The following TMEM117 variants were observed in gnomAD, a reference collection of about 807,000 sequenced individuals.
TMEM117 encodes transmembrane protein 117.
A neutral mutation model predicts 52.4 loss-of-function variants in TMEM117; 27 were observed. The observed-to-expected ratio is 0.51, with a 90% CI of 0.38 to 0.71. The LOEUF is 0.71. Ranked by LOEUF, TMEM117 falls within the 30% of genes least tolerant of loss-of-function variation. The pLI is 0.00. For missense variants in TMEM117, 556 were observed against 630.5 expected, an observed-to-expected ratio of 0.88 and a Z score of 1.26; for synonymous variants, 215 against 206.3, an observed-to-expected ratio of 1.04 and a Z score of -0.36.
intron 4 of TMEM117, among the ~76,000 whole-genome samples, chr12:44,190,353 G>A (rs1949334604): frequency 6.6e-6 from 1 of 152,056 alleles, no homozygotes; most frequent in Non-Finnish European, 1.5e-5. Context: ...CTCAATGAAG[G>A]GTGTATAGCA....
chr12:43,925,805 G>A (rs1944769756), intron 2 of TMEM117, among the ~76,000 whole-genome samples: 1 of 152,186 alleles, frequency 6.6e-6, no homozygotes, highest in Non-Finnish European at 1.5e-5. Flanking sequence ...CATGGGCTGA[G>A]CTTGACCCTC....
At chr12:44,370,039 C>A (rs974884784) in intron 6 of TMEM117, among the ~76,000 whole-genome samples, 1 of 152,180 alleles carries the variant, frequency 6.6e-6, no homozygotes, top group African/African-American at 2.4e-5. Flanking sequence ...TGCCTTAATG[C>A]TCCTCCTGCT....
chr12:44,217,749 A>G (rs1949736518), intron 5 of TMEM117, among the ~76,000 whole-genome samples: 1 of 152,186 alleles, frequency 6.6e-6, no homozygotes, highest in Admixed American at 6.5e-5. Context: ...AGAGGAACCA[A>G]TGTCTCTATG....
intron 3 of TMEM117, among the ~76,000 whole-genome samples, chr12:44,047,786 T>C (rs946842253): frequency 3.3e-5 from 5 of 152,152 alleles, no homozygotes; most frequent in African/African-American, 1.2e-4. Flanking sequence ...TTGGCTGATA[T>C]TTTGTTTAGG....
At chr12:44,241,146 A>G (rs2138481171) in intron 5 of TMEM117, among the ~76,000 whole-genome samples, 1 of 152,134 alleles carries the variant, frequency 6.6e-6, no homozygotes. Context: ...AACATCTAAT[A>G]CAATGTAAAA....
chr12:43,884,817 C>A (rs1215139718), intron 2 of TMEM117, among the ~76,000 whole-genome samples: 1 of 152,138 alleles, frequency 6.6e-6, no homozygotes, highest in Non-Finnish European at 1.5e-5. Context: ...ATTCAACTTA[C>A]CACCAGACCC....
chr12:44,386,799 C>T (rs1952094478), intron 7 of TMEM117, among the ~76,000 whole-genome samples: 1 of 152,092 alleles, frequency 6.6e-6, no homozygotes, highest in Non-Finnish European at 1.5e-5. Context: ...AGTATTTAGC[C>T]TTACATATAA....
intron 2 of TMEM117, among the ~76,000 whole-genome samples, chr12:43,923,042 G>A (rs1300675110): frequency 6.6e-6 from 1 of 152,166 alleles, no homozygotes; most frequent in Non-Finnish European, 1.5e-5. Flanking sequence ...GAGGAGCAGA[G>A]CAGAATTTGG....
At chr12:44,090,278 G>C (rs1474782555) in intron 3 of TMEM117, among the ~76,000 whole-genome samples, 1 of 152,062 alleles carries the variant, frequency 6.6e-6, no homozygotes, top group East Asian at 1.9e-4. Context: ...TGTCACTCAA[G>C]TAGTAAACAT....
chr12:44,296,277 G>A (rs908292455), intron 5 of TMEM117, among the ~76,000 whole-genome samples: 2 of 152,190 alleles, frequency 1.3e-5, no homozygotes, highest in Non-Finnish European at 2.9e-5. Context: ...TCACTAGGTG[G>A]ATCCTTGGTC....
At chr12:43,818,685 C>T in the TMEM117 span, among the ~76,000 whole-genome samples, 7 of 152,214 alleles carry the variant, frequency 4.6e-5, no homozygotes, top group East Asian at 1.9e-4. Flanking sequence ...CCTCGTGATC[C>T]GACCGCCTTG....
rs1474988685 is a variant in TMEM117, at chr12:44,181,085, G to A, written c.511-30205G>A. On this transcript the variant is annotated intron_variant, in intron 4 of 7. Transcript: ENST00000266534. ...TGGTATCTCATTGTGGTTTTGATTT[G>A]CATTTCTCTGATGGCCAGTGATGAT... Among the ~76,000 whole-genome samples, 446 of 152,200 alleles carry A rather than the reference G, an allele frequency of 2.9e-3. 1 individual carries two copies. Among genetic ancestry groups the A allele is most frequent in the African/African-American group, 0.01 (427 of 41,514 alleles).
chr12:44,349,014 T>C (rs1313810820), intron 6 of TMEM117, among the ~76,000 whole-genome samples: 1 of 152,004 alleles, frequency 6.6e-6, no homozygotes, highest in African/African-American at 2.4e-5. Context: ...CATGCTTTGG[T>C]TGAAAGCCTT....
intron 5 of TMEM117, among the ~76,000 whole-genome samples, chr12:44,278,928 T>C (rs1950546672): frequency 6.6e-6 from 1 of 152,206 alleles, no homozygotes; most frequent in Non-Finnish European, 1.5e-5. Context: ...TTCAAGGCAA[T>C]GGATAATTTT....
chr12:43,813,143 C>G, the TMEM117 span, among the ~76,000 whole-genome samples: 4 of 151,814 alleles, frequency 2.6e-5, no homozygotes, highest in Non-Finnish European at 5.9e-5. Context: ...TGGGTCCATC[C>G]CACTTGCCTT....
At chr12:43,844,098 A>C (rs539483674) in intron 1 of TMEM117, among the ~76,000 whole-genome samples, 1 of 152,310 alleles carries the variant, frequency 6.6e-6, no homozygotes, top group East Asian at 1.9e-4. Context: ...CACTTTGGGA[A>C]CTTTAGGTGG....
At chr12:43,882,076 A>AAAAC (rs1190829603) in intron 2 of TMEM117, among the ~76,000 whole-genome samples, 5 of 152,088 alleles carry the variant, frequency 3.3e-5, no homozygotes, top group Non-Finnish European at 7.4e-5. Flanking sequence ...CGTCTCAAAA[A>AAAAC]AAACAAACAA....
chr12:44,019,084 G>A (rs1049580102), intron 3 of TMEM117, among the ~76,000 whole-genome samples: 1 of 152,118 alleles, frequency 6.6e-6, no homozygotes, highest in Admixed American at 6.6e-5. Context: ...GCAGAGGCCA[G>A]GGAAGGAGGA....
intron 4 of TMEM117, among the ~76,000 whole-genome samples, chr12:44,190,888 T>C (rs1019865930): frequency 3.4e-4 from 50 of 148,352 alleles, no homozygotes; most frequent in Admixed American, 1.2e-3. Flanking sequence ...TACATACATA[T>C]ATATATAAAG....
Sources: allele counts gnomAD v4.1 joint callset (sites outside exome capture counted in the v4.1 genomes callset), GRCh38; gene constraint gnomAD v4.1.1; transcripts MANE v1.5; gene names NCBI Gene and HGNC (gene_info 2026-07-23, HGNC 2026-07-21).